DNAH7: variants seen among roughly 807,000 people sequenced by gnomAD.
The protein encoded by DNAH7 is dynein axonemal heavy chain 7.
DNAH7 carries 397 observed loss-of-function variants against 444.6 expected under a neutral mutation model. The observed-to-expected ratio is 0.89, with a 90% confidence interval of 0.82 to 0.97. The LOEUF (loss-of-function observed/expected upper bound fraction) is 0.97, where lower values mean the gene tolerates loss of function less well. DNAH7 is among the 50% of genes least tolerant of loss of function. The pLI is 0.00. For synonymous variants in DNAH7, 1,636 were observed against 1,624.4 expected (o/e 1.01, Z -0.17); for missense variants, 4,902 against 4,800.8 (o/e 1.02, Z -0.62).
chr2:195,843,920 C>A (rs1026751050), intron 47 of DNAH7, among the ~76,000 whole-genome samples: 12 of 152,004 alleles, frequency 7.9e-5, no homozygotes, highest in African/African-American at 2.2e-4. Context: ...CACGGTGAAA[C>A]CCCATCTCTA....
intron 41 of DNAH7, among the ~76,000 whole-genome samples, chr2:195,863,122 C>G (rs1040367680): frequency 2.0e-5 from 3 of 152,212 alleles, no homozygotes; most frequent in African/African-American, 7.2e-5. Flanking sequence ...TGTCTGTAGA[C>G]AAGAAGCTCA....
chr2:195,767,957 A>C (rs1326862459), intron 61 of DNAH7, among the ~76,000 whole-genome samples: 2 of 151,836 alleles, frequency 1.3e-5, no homozygotes, highest in African/African-American at 4.8e-5. Flanking sequence ...CAGAACTGGA[A>C]TGATTGAAAA....
intron 5 of DNAH7, among the ~76,000 whole-genome samples, chr2:196,032,006 G>A (rs1169723640): frequency 6.6e-6 from 1 of 152,146 alleles, no homozygotes; most frequent in African/African-American, 2.4e-5. Flanking sequence ...TCATGCTGCT[G>A]ATAAAGACAT....
At chr2:195,880,096 A>G (rs1701288019) in intron 36 of DNAH7, among the ~76,000 whole-genome samples, 1 of 152,166 alleles carries the variant, frequency 6.6e-6, no homozygotes, top group South Asian at 2.1e-4. Flanking sequence ...TTAAATTGTA[A>G]CCCTATATTT....
At chr2:195,959,775 T>C (rs1175855442) in intron 18 of DNAH7, among the ~76,000 whole-genome samples, 1 of 152,208 alleles carries the variant, frequency 6.6e-6, no homozygotes, top group East Asian at 1.9e-4. Context: ...ATAGTTTCAT[T>C]CTTTTTCACT....
intron 51 of DNAH7, among the ~76,000 whole-genome samples, chr2:195,812,244 CAGG>C (rs990075816): frequency 6.6e-6 from 1 of 152,042 alleles, no homozygotes; most frequent in African/African-American, 2.4e-5. Context: ...TCCGAATTTT[CAGG>C]AGATTAATTT....
At chr2:196,039,714 A>G (rs1000629653) in intron 5 of DNAH7, among the ~76,000 whole-genome samples, 2 of 151,466 alleles carry the variant, frequency 1.3e-5, no homozygotes, top group Admixed American at 1.3e-4. Flanking sequence ...CATGAGAAGC[A>G]CTTGAACCCA....
At chr2:195,984,826 CTA>C (rs1240187197) in intron 14 of DNAH7, 116 bp from the exon 15 acceptor site, 7 of 928,068 alleles carry the variant, frequency 7.5e-6, no homozygotes, top group Admixed American at 2.3e-5. Context: ...TATAACTTAG[CTA>C]TATGACATCT....
chr2:196,040,091 C>T (rs1696648275), intron 5 of DNAH7, among the ~76,000 whole-genome samples: 1 of 151,908 alleles, frequency 6.6e-6, no homozygotes, highest in Non-Finnish European at 1.5e-5. Flanking sequence ...AAAAGTCTCC[C>T]CAAAAAGAAA....
chr2:195,819,115 T>C (rs2124897940), intron 49 of DNAH7, among the ~76,000 whole-genome samples: 1 of 152,272 alleles, frequency 6.6e-6, no homozygotes, highest in East Asian at 1.9e-4. Flanking sequence ...TTCCCCTTGT[T>C]ATCCACCAGA....
intron 7 of DNAH7, among the ~76,000 whole-genome samples, chr2:196,025,524 T>C (rs1281926890): frequency 6.6e-6 from 1 of 152,256 alleles, no homozygotes; most frequent in Non-Finnish European, 1.5e-5. Context: ...GAGCCTCTCA[T>C]GGGCGTCTGC....
intron 5 of DNAH7, among the ~76,000 whole-genome samples, chr2:196,029,950 T>C (rs143566040): frequency 2.0e-4 from 30 of 151,998 alleles, no homozygotes; most frequent in Admixed American, 9.8e-4. Context: ...TGAAAAAAAA[T>C]GGTAGTGAAA....
chr2:195,982,169 A>G (rs574980215), intron 15 of DNAH7, among the ~76,000 whole-genome samples: 2 of 152,198 alleles, frequency 1.3e-5, no homozygotes, highest in African/African-American at 4.8e-5. Flanking sequence ...AAAGTGGGCA[A>G]ATTATCTGAA....
intron 2 of DNAH7, among the ~76,000 whole-genome samples, chr2:196,055,930 G>A (rs1697774165): frequency 6.6e-6 from 1 of 152,194 alleles, no homozygotes. Context: ...AGGTGAAGAA[G>A]GGTGGTGAGG....
chr2:195,990,263 CAG>C (rs142068847), intron 12 of DNAH7, among the ~76,000 whole-genome samples: 1,701 of 152,132 alleles, frequency 0.011, 33 homozygotes, highest in East Asian at 0.072. Flanking sequence ...TGGTGAGAGA[CAG>C]GGGTCTAGTT....
intron 24 of DNAH7, among the ~76,000 whole-genome samples, chr2:195,910,610 T>C (rs1380318836): frequency 6.6e-6 from 1 of 152,134 alleles, no homozygotes; most frequent in Non-Finnish European, 1.5e-5. Context: ...AGCCGGAGAA[T>C]TAGACACTAA....
intron 21 of DNAH7, among the ~76,000 whole-genome samples, chr2:195,929,329 C>T (rs1211010391): frequency 1.3e-5 from 2 of 152,194 alleles, no homozygotes; most frequent in Non-Finnish European, 2.9e-5. Context: ...AACACTATTC[C>T]TATCAAGCTA....
intron 63 of DNAH7, among the ~76,000 whole-genome samples, chr2:195,746,956 C>G (rs908181013): frequency 1.3e-5 from 2 of 151,840 alleles, no homozygotes; most frequent in African/African-American, 2.4e-5. Context: ...CAAGAGCAAA[C>G]ACATTCAAAA....
At position 196,001,815 on chromosome 2, in the gene DNAH7, T is replaced by C; in HGVS notation, c.1033A>G (p.Lys345Glu). The change falls in exon 11 of 65, where the codon AAA becomes GAA. Residue 345 changes from lysine (K) to glutamate (E), a missense_variant. By Grantham distance (56) the Lys-to-Glu change is moderately conservative (BLOSUM62 1). Transcript: ENST00000312428. ...VQNIYYQGNK[K>E]KQLPTGDSSA... ...CTGTCACCAGTTGGCAATTGCTTTT[T>C]TTTATTACCTTGGTAATAAATATTC... 6.2e-7 allele frequency: 1 copy of C among 1,612,464 alleles called. No homozygotes were observed.
Sources: allele counts gnomAD v4.1 joint callset (sites outside exome capture counted in the v4.1 genomes callset), GRCh38; gene constraint gnomAD v4.1.1; transcripts MANE v1.5; gene names NCBI Gene and HGNC (gene_info 2026-07-23, HGNC 2026-07-21).